The following DOCK11 variants were observed in gnomAD, a reference collection of about 807,000 sequenced individuals.
DOCK11 encodes the protein dedicator of cytokinesis protein 11.
In DOCK11, 70 loss-of-function variants were observed where a neutral mutation model predicts 169.1. The ratio of observed to expected loss-of-function variants is 0.41; its 90% CI spans 0.34 to 0.51. The LOEUF is 0.51. DOCK11 is among the 20% of genes least tolerant of loss of function. The pLI, the probability that DOCK11 is intolerant of heterozygous loss-of-function variation, is 0.10. For missense variants in DOCK11, 1,166 were observed against 1,538.8 expected, an observed-to-expected ratio of 0.76 and a Z score of 4.05; for synonymous variants, 529 against 541.3, an observed-to-expected ratio of 0.98 and a Z score of 0.32.
chrX:118,635,493 T>C (rs1413035064), intron 35 of DOCK11, among the ~76,000 whole-genome samples: 3 of 112,517 alleles, frequency 2.7e-5, no homozygotes, highest in Non-Finnish European at 5.6e-5. Context: ...AAATAGTTGT[T>C]CCACAGATAG....
chrX:118,643,406 A>G (rs1377372285), intron 39 of DOCK11, 51 bp from the exon 40 acceptor site: 1 of 1,128,418 alleles, frequency 8.9e-7, no homozygotes, highest in African/African-American at 1.8e-5. Context: ...TGGTGAAATC[A>G]GTTCTGTCAT....
At chrX:118,539,195 A>G (rs932548943) in intron 1 of DOCK11, among the ~76,000 whole-genome samples, 2 of 112,442 alleles carry the variant, frequency 1.8e-5, no homozygotes, top group Admixed American at 9.5e-5. Flanking sequence ...ATGAAAAGTG[A>G]AACTTTGTTT....
intron 1 of DOCK11, among the ~76,000 whole-genome samples, chrX:118,496,363 G>A (rs775442973): frequency 8.9e-6 from 1 of 112,176 alleles, no homozygotes; most frequent in African/African-American, 3.2e-5. Flanking sequence ...TCCCACCCAG[G>A]GTCGGGGCCG....
chrX:118,517,959 AGCT>A (rs1214586488), intron 1 of DOCK11, among the ~76,000 whole-genome samples: 1 of 111,873 alleles, frequency 8.9e-6, no homozygotes, highest in Non-Finnish European at 1.9e-5. Context: ...AAATTAAAAT[AGCT>A]GCTATGTTGC....
chrX:118,660,735 G>A (rs768653242), intron 44 of DOCK11, among the ~76,000 whole-genome samples: 1 of 110,160 alleles, frequency 9.1e-6, no homozygotes, highest in Admixed American at 9.6e-5. Flanking sequence ...CTCCCAAAGT[G>A]CTGGGATTAC....
chrX:118,516,013 A>ATATATATATATATATATATATATT (rs2057681640), intron 1 of DOCK11, among the ~76,000 whole-genome samples: 1 of 84,812 alleles, frequency 1.2e-5, no homozygotes, highest in Admixed American at 1.3e-4. Flanking sequence ...AAATATATAT[A>ATATATATATATATATATATATATT]TATATACATT....
intron 1 of DOCK11, among the ~76,000 whole-genome samples, chrX:118,542,506 G>A (rs1295207324): frequency 3.9e-5 from 3 of 77,865 alleles, no homozygotes; most frequent in Non-Finnish European, 7.7e-5. Context: ...ATGTCTGTGT[G>A]TGTGTGTGTG....
At chrX:118,659,464 A>G (rs965533258) in intron 44 of DOCK11, among the ~76,000 whole-genome samples, 1 of 112,222 alleles carries the variant, frequency 8.9e-6, no homozygotes, top group Non-Finnish European at 1.9e-5. Flanking sequence ...AGACTCAGCA[A>G]CTTGTTTCAT....
intron 12 of DOCK11, among the ~76,000 whole-genome samples, chrX:118,576,279 C>T (rs982208448): frequency 1.8e-5 from 2 of 111,210 alleles, no homozygotes; most frequent in South Asian, 3.8e-4. Flanking sequence ...GGGTAAGAGT[C>T]GCCCTGGGGT....
At chrX:118,556,759 GAAAAAA>G (rs58350422) in intron 6 of DOCK11, among the ~76,000 whole-genome samples, 2 of 81,009 alleles carry the variant, frequency 2.5e-5, no homozygotes. Context: ...TCTGTCTCCG[GAAAAAA>G]AAAAAAAAAA....
chrX:118,500,671 A>C (rs1433946311), intron 1 of DOCK11, among the ~76,000 whole-genome samples: 1 of 110,466 alleles, frequency 9.1e-6, no homozygotes, highest in Non-Finnish European at 1.9e-5. Context: ...CCCAGGTTGG[A>C]GTGCAGTGGT....
At chrX:118,616,183 C>T in intron 30 of DOCK11, 1 of 939,101 alleles carries the variant, frequency 1.1e-6, no homozygotes, top group Non-Finnish European at 1.4e-6. Context: ...TGTCCCTTTT[C>T]TTTTCATATA....
Position 118,495,872 on chromosome X carries a change from G to C in DOCK11, c.-100G>C. 1 of 390,076 alleles carries C rather than the reference G, an allele frequency of 2.6e-6. No homozygotes were observed. The highest frequency in any genetic ancestry group is 3.5e-6 in the Non-Finnish European group (1 of 288,050). 32.1% of individuals were successfully genotyped at this position (390,076 alleles called of 1,213,427 possible). A position where few individuals can be genotyped will look rare whatever the true frequency, so the allele number is the denominator to read the frequency against. On this transcript the variant is annotated 5_prime_UTR_variant, in exon 1 of 53. Coordinates refer to ENST00000276202, the MANE Select transcript of DOCK11 (RefSeq NM_144658.4). ...TGGCCGGCCGGCCGGCGAGTAAACA[G>C]AGGGAGCAGCAGCGGCCGCGGCCGC...
At chrX:118,498,168 G>A (rs966222496) in intron 1 of DOCK11, among the ~76,000 whole-genome samples, 5 of 112,472 alleles carry the variant, frequency 4.4e-5, no homozygotes, top group African/African-American at 1.6e-4. Context: ...GATTTTGGGA[G>A]TGAGGGAGAA....
At chrX:118,579,947 C>A in intron 13 of DOCK11, 150 bp from the exon 14 acceptor site, 1 of 406,167 alleles carries the variant, frequency 2.5e-6, no homozygotes, top group Non-Finnish European at 4.1e-6. Flanking sequence ...AAATGGCTGG[C>A]TGATGCATGT....
At chrX:118,633,582 G>A (rs1179647078) in intron 35 of DOCK11, 1 of 112,298 alleles carries the variant, frequency 8.9e-6, no homozygotes, top group Non-Finnish European at 1.9e-5. Context: ...TCTATGTTAG[G>A]CTTAGTGTCA....
At chrX:118,576,853 C>G (rs187949883) in intron 12 of DOCK11, among the ~76,000 whole-genome samples, 36 of 112,376 alleles carry the variant, frequency 3.2e-4, no homozygotes, top group African/African-American at 1.1e-3. Context: ...TGTTCTCAAA[C>G]TCCTGGGCTC....
Position 118,515,528 on chromosome X carries a change from C to G in DOCK11, c.102+19455C>G, listed in dbSNP as rs144870091. Among the ~76,000 whole-genome samples the G allele has an allele frequency of 4.5e-3, 502 of 111,215 alleles. 4 individuals are homozygous for G. The highest frequency in any genetic ancestry group is 0.015 in the African/African-American group (460 of 30,499). On this transcript the variant is annotated intron_variant, in intron 1 of 52. Coordinates refer to ENST00000276202, the MANE Select transcript of DOCK11 (RefSeq NM_144658.4). ...GATTATAGATGTGAGCCACTGCACC[C>G]AGCCAATTTATTTCACGTCTGTAAA...
intron 1 of DOCK11, among the ~76,000 whole-genome samples, chrX:118,516,028 C>T (rs1462027146): frequency 2.5e-3 from 11 of 4,381 alleles, no homozygotes; most frequent in Non-Finnish European, 3.5e-3. Flanking sequence ...TACATTCTTA[C>T]ACCAGAAAAC....
Sources: allele counts gnomAD v4.1 joint callset (sites outside exome capture counted in the v4.1 genomes callset), GRCh38; gene constraint gnomAD v4.1.1; transcripts MANE v1.5; gene names NCBI Gene and HGNC (gene_info 2026-07-23, HGNC 2026-07-21).